CSNK1G1: variants seen among roughly 807,000 people sequenced by gnomAD.
CSNK1G1 encodes casein kinase 1 gamma 1.
Under a neutral mutation model 59.6 loss-of-function variants are expected in CSNK1G1, and 22 were observed. That is an observed-to-expected ratio of 0.37 (90% CI 0.26 to 0.53). The LOEUF (loss-of-function observed/expected upper bound fraction) is 0.53, where lower values mean the gene tolerates loss of function less well. CSNK1G1 is among the 20% of genes least tolerant of loss of function. CSNK1G1 has a pLI of 0.89. For missense variants in CSNK1G1, 384 were observed against 519.5 expected, an observed-to-expected ratio of 0.74 and a Z score of 2.54; for synonymous variants, 179 against 177.1, an observed-to-expected ratio of 1.01 and a Z score of -0.08.
At chr15:64,251,173 G>T (rs1433564807) in intron 4 of CSNK1G1, among the ~76,000 whole-genome samples, 1 of 152,066 alleles carries the variant, frequency 6.6e-6, no homozygotes, top group Non-Finnish European at 1.5e-5. Context: ...AGTATATTTT[G>T]CAAATTACCA....
At chr15:64,236,157 A>AAAAAG (rs1261805579) in intron 4 of CSNK1G1, among the ~76,000 whole-genome samples, 33 of 151,522 alleles carry the variant, frequency 2.2e-4, no homozygotes, top group South Asian at 1.2e-3. Context: ...AAAAAAAAAA[A>AAAAAG]AAAAGAAAAG....
rs534570433 is a variant in CSNK1G1, at chr15:64,270,920, T to C, written c.182-11679A>G. Among the ~76,000 whole-genome samples the C allele has an allele frequency of 1.2e-4, 18 of 152,286 alleles. No homozygotes were observed. In the East Asian group the frequency reaches 3.5e-3, roughly 29 times the overall value. ...GTTGTTTAATTTCCATGTAACTGCA[T>C]GGTTTTGAGTGATTTTCTTAGTCTT... is the stretch of plus-strand genomic sequence containing the variant. On this transcript the variant is annotated intron_variant, in intron 2 of 11. Coordinates refer to ENST00000303052, the MANE Select transcript of CSNK1G1 (RefSeq NM_022048.5).
In CSNK1G1 at chr15:64,204,555, T is replaced by C; in HGVS notation, c.885A>G (p.Arg295=). ...AATCAGGTTTTTCAAAGAAGTCCAG[T>C]CGCCTGACATATCGAAGGTAGGTTG... ...EMATYLRYVR[R]LDFFEKPDYE... Residue 295 remains arginine (R), a synonymous_variant, in exon 9 of 12, where the codon CGA becomes CGG. Coordinates refer to ENST00000303052, the MANE Select transcript of CSNK1G1 (RefSeq NM_022048.5). 1.2e-6 allele frequency: 2 copies of C among 1,614,016 alleles called. No homozygotes were observed. The highest frequency in any genetic ancestry group is 1.7e-6 in the Non-Finnish European group (2 of 1,179,986).
At chr15:64,276,453 T>C (rs370313484) in intron 2 of CSNK1G1, among the ~76,000 whole-genome samples, 4 of 152,234 alleles carry the variant, frequency 2.6e-5, no homozygotes, top group African/African-American at 9.6e-5. Context: ...TCAGTAAATA[T>C]TTCATTATGG....
rs570228324 is a variant in CSNK1G1 at position 64,300,407 on chromosome 15, G to A, written c.93C>T (p.Ser31=). The change falls in exon 2 of 12, where the codon TCC becomes TCT. Residue 31 remains serine (S), a synonymous_variant. Coordinates refer to ENST00000303052, the MANE Select transcript of CSNK1G1 (RefSeq NM_022048.5). Reference sequence around the variant, plus strand: ...CCATAAGAACCCCAGAGGACGATGAGGAGCCAGATGGTCGAGAGCAGTGTG... The same window carrying A: ...CCATAAGAACCCCAGAGGACGATGAAGAGCCAGATGGTCGAGAGCAGTGTG... ...RSAHCSRPSG[S]SSSSGVLMVG... is the part of the protein sequence containing the mutation. 3.7e-6 allele frequency: 6 copies of A among 1,614,190 alleles called. No individual in the cohort carries two copies. In the Admixed American group the frequency reaches 6.7e-5, roughly 18 times the overall value.
chr15:64,338,457 T>C (rs1232431994), intron 1 of CSNK1G1, among the ~76,000 whole-genome samples: 1 of 152,038 alleles, frequency 6.6e-6, no homozygotes, highest in Non-Finnish European at 1.5e-5. Flanking sequence ...CCCAGCACAT[T>C]GGGAGGCCAA....
rs1008948158 is a variant in CSNK1G1 at position 64,214,304 on chromosome 15, G to A, written c.445-180C>T. Among the ~76,000 whole-genome samples the A allele has an allele frequency of 3.3e-5, 5 of 152,174 alleles. No homozygotes were observed. Among genetic ancestry groups the A allele is most frequent in the Admixed American group, 6.5e-5 (1 of 15,294 alleles). On this transcript the variant is annotated intron_variant, in intron 5 of 11. Transcript: ENST00000303052. This position sits in a 1 kb window ranked among gnomAD's most constrained non-coding sequence, Gnocchi z 4.3. ...CAAAAAAATATTTTGCTATAAATAC[G>A]TACACAACAAATATCAAGACTAGGA...
intron 1 of CSNK1G1, among the ~76,000 whole-genome samples, chr15:64,303,026 C>A (rs960559802): frequency 1.3e-5 from 2 of 152,000 alleles, no homozygotes; most frequent in African/African-American, 2.4e-5. Context: ...TCCATGTTTA[C>A]TTACATGTAT....
chr15:64,304,087 C>T (rs1895527081), intron 1 of CSNK1G1, among the ~76,000 whole-genome samples: 1 of 151,994 alleles, frequency 6.6e-6, no homozygotes, highest in Non-Finnish European at 1.5e-5. Flanking sequence ...ATTGTTCAAT[C>T]TATAATTATG....
chr15:64,177,682 C>T (rs1198274545), intron 11 of CSNK1G1, among the ~76,000 whole-genome samples: 1 of 152,158 alleles, frequency 6.6e-6, no homozygotes, highest in Non-Finnish European at 1.5e-5. Context: ...ACAGAATACA[C>T]CAGATTGAAA....
chr15:64,293,102 T>C (rs931410285), intron 2 of CSNK1G1, among the ~76,000 whole-genome samples: 1 of 152,166 alleles, frequency 6.6e-6, no homozygotes, highest in Admixed American at 6.5e-5. Flanking sequence ...CTCAAAACTT[T>C]AAAAATGAGA....
intron 4 of CSNK1G1, among the ~76,000 whole-genome samples, chr15:64,225,496 C>G (rs1361871583): frequency 6.6e-6 from 1 of 152,102 alleles, no homozygotes; most frequent in African/African-American, 2.4e-5. Flanking sequence ...CTGATTGGTC[C>G]TGGGCAGAAT....
intron 1 of CSNK1G1, among the ~76,000 whole-genome samples, chr15:64,336,211 TA>T (rs1257599525): frequency 6.6e-6 from 1 of 152,068 alleles, no homozygotes; most frequent in African/African-American, 2.4e-5. Flanking sequence ...TGTTTTCAAG[TA>T]ACTGAAATTT....
chr15:64,229,348 C>T (rs924492302), intron 4 of CSNK1G1, among the ~76,000 whole-genome samples: 1 of 152,158 alleles, frequency 6.6e-6, no homozygotes, highest in South Asian at 2.1e-4. Context: ...GTGGGGGCAA[C>T]CCATCTCCCA....
Position 64,310,098 on chromosome 15 carries a change from G to T in CSNK1G1, c.-224-9375C>A, listed in dbSNP as rs7169529. 8.4e-3 allele frequency among the ~76,000 whole-genome samples: 1,277 copies of T among 152,076 alleles called. 19 individuals carry two copies. Among genetic ancestry groups the T allele is most frequent in the African/African-American group, 0.029 (1,200 of 41,464 alleles). ...ACTACCCTCCAGCCTGGGAGACAGA[G>T]AGACCCTGTCTCTCCCCAAAAAAGG... On this transcript the variant is annotated intron_variant, in intron 1 of 11. Coordinates refer to ENST00000303052, the MANE Select transcript of CSNK1G1 (RefSeq NM_022048.5).
intron 2 of CSNK1G1, among the ~76,000 whole-genome samples, chr15:64,277,081 A>C (rs958245324): frequency 2.0e-5 from 3 of 152,178 alleles, no homozygotes; most frequent in Non-Finnish European, 4.4e-5. Flanking sequence ...TCATTAGACA[A>C]AATAGTCAAA....
chr15:64,246,700 G>C (rs527772062), intron 4 of CSNK1G1, among the ~76,000 whole-genome samples: 15 of 150,704 alleles, frequency 1.0e-4, no homozygotes, highest in South Asian at 2.1e-4. Flanking sequence ...CTTTATAAGA[G>C]AGCCAAATCA....
Position 64,281,571 on chromosome 15 carries a change from C to T in CSNK1G1, c.181+18748G>A, listed in dbSNP as rs1221525624. Among the ~76,000 whole-genome samples, 3 of 152,292 alleles carry T rather than the reference C, an allele frequency of 2.0e-5. No individual in the cohort carries two copies. In the East Asian group the frequency reaches 5.8e-4, roughly 29 times the overall value. On this transcript the variant is annotated intron_variant, in intron 2 of 11. Transcript: ENST00000303052. Reference sequence around the variant, plus strand: ...AAAAGTTCTAGGCTGGGGGCGGTGGCTCAAGCCTGCAATCCCAGGACTTTG... The same window carrying T: ...AAAAGTTCTAGGCTGGGGGCGGTGGTTCAAGCCTGCAATCCCAGGACTTTG...
intron 1 of CSNK1G1, among the ~76,000 whole-genome samples, chr15:64,353,613 C>T (rs1898450148): frequency 6.8e-6 from 1 of 146,912 alleles, no homozygotes; most frequent in South Asian, 2.1e-4. Context: ...TGCCACCACA[C>T]TCCAGCCTGG....
Sources: allele counts gnomAD v4.1 joint callset (sites outside exome capture counted in the v4.1 genomes callset), GRCh38; gene constraint gnomAD v4.1.1; non-coding constraint Gnocchi (gnomAD v3.1); transcripts MANE v1.5; gene names NCBI Gene and HGNC (gene_info 2026-07-23, HGNC 2026-07-21).